JAM3: variants seen among roughly 807,000 people sequenced by gnomAD.
JAM3 encodes the protein junctional adhesion molecule 3, also known as junctional adhesion molecule C.
In JAM3, 31 loss-of-function variants were observed where a neutral mutation model predicts 39.4. The observed-to-expected ratio is 0.79, with a 90% confidence interval of 0.59 to 1.06. The LOEUF (loss-of-function observed/expected upper bound fraction) is 1.06, where lower values mean the gene tolerates loss of function less well. JAM3 is among the 50% of genes least tolerant of loss of function. The pLI is 0.00. For synonymous variants in JAM3, 182 were observed against 148.7 expected, an observed-to-expected ratio of 1.22 and a Z score of -1.63; for missense variants, 455 against 391.4, an observed-to-expected ratio of 1.16 and a Z score of -1.37.
At chr11:134,114,857 G>A (rs1942391531) in intron 1 of JAM3, among the ~76,000 whole-genome samples, 2 of 152,150 alleles carry the variant, frequency 1.3e-5, no homozygotes, top group Non-Finnish European at 1.5e-5. Flanking sequence ...TGTGAAGTAG[G>A]TCAAGTTAGT....
intron 5 of JAM3, chr11:134,145,379 T>G: frequency 5.5e-6 from 2 of 366,732 alleles, no homozygotes; most frequent in South Asian, 4.6e-5. Flanking sequence ...TGGTTACGAT[T>G]TTTTACAGTC....
rs957884837 is a variant in JAM3 at position 134,149,631 on chromosome 11, C to T, written c.*450C>T. 4 of 460,428 alleles carry T rather than the reference C, an allele frequency of 8.7e-6. No homozygotes were observed. Among genetic ancestry groups the T allele is most frequent in the Admixed American group, 2.3e-5 (1 of 42,656 alleles). 28.5% of individuals were successfully genotyped at this position (460,428 alleles called of 1,614,324 possible). On this transcript the variant is annotated 3_prime_UTR_variant, in exon 9 of 9. Coordinates refer to ENST00000299106, the MANE Select transcript of JAM3 (RefSeq NM_032801.5). The stretch of plus-strand genomic sequence containing the variant: ...CATCCCGGCGGGAACCCAGAAAAGG[C>T]TTCTTACACAGCAGCCTTACTTCAT...
At chr11:134,109,755 A>C (rs1334867995) in intron 1 of JAM3, among the ~76,000 whole-genome samples, 1 of 152,244 alleles carries the variant, frequency 6.6e-6, no homozygotes, top group Non-Finnish European at 1.5e-5. Context: ...GAAAAGGAGC[A>C]GGTAGGGAAA....
intron 1 of JAM3, among the ~76,000 whole-genome samples, chr11:134,107,487 T>C (rs570933685): frequency 2.0e-4 from 31 of 151,890 alleles, no homozygotes; most frequent in African/African-American, 6.8e-4. Context: ...ATAAAAAATA[T>C]ATATAAATAG....
At chr11:134,081,540 C>T (rs987742676) in intron 1 of JAM3, among the ~76,000 whole-genome samples, 7 of 152,304 alleles carry the variant, frequency 4.6e-5, no homozygotes, top group African/African-American at 9.6e-5. Context: ...GCAGCTTCCA[C>T]GTGGTGTTGA....
chr11:134,140,789 C>T lies in JAM3; in HGVS notation c.256+19C>T. The T allele has an allele frequency of 6.2e-7, 1 of 1,602,702 alleles. No individual in the cohort carries two copies. The highest frequency in any genetic ancestry group is 1.3e-5 in the African/African-American group (1 of 74,624). On this transcript the variant is annotated intron_variant, in intron 3 of 8. Transcript: ENST00000299106. Reference sequence around the variant, plus strand: ...ATTCAGGGTATGATCCTGTAGTCCTCTTGCCTGCTGACCTTTCCTCTGTCC... The same window carrying T: ...ATTCAGGGTATGATCCTGTAGTCCTTTTGCCTGCTGACCTTTCCTCTGTCC...
At chr11:134,125,520 G>A (rs1458020286) in intron 1 of JAM3, among the ~76,000 whole-genome samples, 2 of 152,192 alleles carry the variant, frequency 1.3e-5, no homozygotes, top group East Asian at 1.9e-4. Context: ...AAAGCAAGAA[G>A]TAGGGAGTAA....
chr11:134,095,774 C>A (rs566778324), intron 1 of JAM3, among the ~76,000 whole-genome samples: 1 of 152,132 alleles, frequency 6.6e-6, no homozygotes, highest in Non-Finnish European at 1.5e-5. Flanking sequence ...TAAATAGGGG[C>A]TACTTTTTCG....
chr11:134,130,750 T>C (rs1407846510), intron 1 of JAM3, among the ~76,000 whole-genome samples: 1 of 152,220 alleles, frequency 6.6e-6, no homozygotes, highest in Non-Finnish European at 1.5e-5. Flanking sequence ...TCCGCAGCTT[T>C]CCTCTCAAAC....
chr11:134,099,564 T>G (rs1006498670), intron 1 of JAM3, among the ~76,000 whole-genome samples: 20 of 152,196 alleles, frequency 1.3e-4, no homozygotes, highest in Admixed American at 9.8e-4. Context: ...TTATGTTTCT[T>G]TCAAGATTTC....
At chr11:134,072,060 G>A (rs1029425240) in intron 1 of JAM3, among the ~76,000 whole-genome samples, 1 of 152,128 alleles carries the variant, frequency 6.6e-6, no homozygotes, top group South Asian at 2.1e-4. Context: ...ACTCCATGGG[G>A]TGGGTTTAAA....
At chr11:134,092,143 C>T (rs1202787999) in intron 1 of JAM3, among the ~76,000 whole-genome samples, 1 of 152,192 alleles carries the variant, frequency 6.6e-6, no homozygotes, top group Non-Finnish European at 1.5e-5. Context: ...TTTTCCCTCC[C>T]TGCAGTGGCC....
intron 1 of JAM3, among the ~76,000 whole-genome samples, chr11:134,106,498 G>A (rs1272713164): frequency 6.6e-6 from 1 of 152,146 alleles, no homozygotes; most frequent in South Asian, 2.1e-4. Context: ...TTGACAGATG[G>A]GATCTAATTA....
At chr11:134,144,663 C>A in intron 4 of JAM3, 129 bp from the exon 5 acceptor site, 1 of 912,126 alleles carries the variant, frequency 1.1e-6, no homozygotes, top group South Asian at 1.4e-5. Context: ...CAGTTGTGAT[C>A]CTGGGAACAG....
chr11:134,150,205 T>C lies in JAM3; in HGVS notation c.*1024T>C, dbSNP rs1011229709. ...CTCATACTGTCTACACATCAGACCATAGTTGCTTAGGAAACCTTTAAAAAT... is the reference window on the plus strand; with the variant it reads ...CTCATACTGTCTACACATCAGACCACAGTTGCTTAGGAAACCTTTAAAAAT... On this transcript the variant is annotated 3_prime_UTR_variant, in exon 9 of 9. Transcript: ENST00000299106. 9 of 152,222 alleles carry C rather than the reference T, an allele frequency of 5.9e-5. No homozygotes were observed. Among genetic ancestry groups the C allele is most frequent in the African/African-American group, 1.2e-4 (5 of 41,382 alleles). 9.4% of individuals were successfully genotyped at this position (152,222 alleles called of 1,614,324 possible). A position where few individuals can be genotyped will look rare whatever the true frequency, so the allele number is the denominator to read the frequency against.
At chr11:134,115,623 G>C (rs923372101) in intron 1 of JAM3, among the ~76,000 whole-genome samples, 1 of 152,098 alleles carries the variant, frequency 6.6e-6, no homozygotes, top group Non-Finnish European at 1.5e-5. Flanking sequence ...GAGGGGGTCA[G>C]GTGCTGTGCG....
Position 134,132,741 on chromosome 11 carries a change from A to G in JAM3, c.77-7110A>G, listed in dbSNP as rs138332361. On this transcript the variant is annotated intron_variant, in intron 1 of 8. Coordinates refer to ENST00000299106, the MANE Select transcript of JAM3 (RefSeq NM_032801.5). The stretch of plus-strand genomic sequence containing the variant: ...ATGGGGGGATTTTTCTCCCATCTTC[A>G]CTGAGAGAACCAGGGAGGACCCCTG... 5.6e-3 allele frequency among the ~76,000 whole-genome samples: 858 copies of G among 152,208 alleles called. 5 individuals carry two copies. The highest frequency in any genetic ancestry group is 0.019 in the African/African-American group (809 of 41,522).
At chr11:134,092,324 G>T (rs1344061899) in intron 1 of JAM3, among the ~76,000 whole-genome samples, 2 of 149,710 alleles carry the variant, frequency 1.3e-5, no homozygotes, top group African/African-American at 4.9e-5. Context: ...CCTGAGGGAA[G>T]CTTCTCCTGA....
intron 1 of JAM3, among the ~76,000 whole-genome samples, chr11:134,107,962 A>G (rs560296925): frequency 6.6e-6 from 1 of 152,224 alleles, no homozygotes; most frequent in South Asian, 2.1e-4. Flanking sequence ...AAAAGCAGAA[A>G]TCATGAGACT....
Sources: allele counts gnomAD v4.1 joint callset (sites outside exome capture counted in the v4.1 genomes callset), GRCh38; gene constraint gnomAD v4.1.1; transcripts MANE v1.5; gene names NCBI Gene and HGNC (gene_info 2026-07-23, HGNC 2026-07-21).